The following NSRP1 variants were observed in gnomAD, a reference collection of about 807,000 sequenced individuals.
NSRP1 encodes coiled-coil domain containing 55.
In NSRP1, 24 loss-of-function variants were observed where a neutral mutation model predicts 54.7. The observed-to-expected ratio is 0.44, with a 90% CI of 0.32 to 0.62. The LOEUF (loss-of-function observed/expected upper bound fraction) is 0.62. Ranked by LOEUF, NSRP1 falls within the 20% of genes least tolerant of loss-of-function variation. NSRP1 has a pLI of 0.06. For synonymous variants in NSRP1, 210 were observed against 213.8 expected (o/e 0.98, Z 0.15); for missense variants, 596 against 651.2 (o/e 0.92, Z 0.92).
Position 30,148,936 on chromosome 17 carries a change from A to T in NSRP1, c.115-23606A>T, listed in dbSNP as rs116018715. Among the ~76,000 whole-genome samples the T allele has an allele frequency of 3.8e-3, 571 of 152,098 alleles. 4 individuals are homozygous for T. The highest frequency in any genetic ancestry group is 0.013 in the African/African-American group (541 of 41,504). ...AAATAACTAGCCTTTGATTTTGTTC[A>T]TCTATATTTTGTTGATTTATTCTCT... is the stretch of plus-strand genomic sequence containing the variant. On this transcript the variant is annotated intron_variant, in intron 2 of 6. Transcript: ENST00000247026.
At chr17:30,141,829 CTCG>C (rs2071808304) in intron 2 of NSRP1, among the ~76,000 whole-genome samples, 1 of 152,114 alleles carries the variant, frequency 6.6e-6, no homozygotes, top group Non-Finnish European at 1.5e-5. Context: ...GTGGTGAAAC[CTCG>C]TCTCTACTAA....
rs28625758 is a variant in NSRP1, at chr17:30,181,267, T to A, written c.617+251T>A. ...ACATTAAAACAGTGATTGAGTTTAA[T>A]ATTATTGTAAAACCAAAGACAGACT... On this transcript the variant is annotated intron_variant, in intron 6 of 6. Transcript: ENST00000247026. Among the ~76,000 whole-genome samples, 627 of 152,328 alleles carry A rather than the reference T, an allele frequency of 4.1e-3. 5 individuals are homozygous for A. Among genetic ancestry groups the A allele is most frequent in the African/African-American group, 0.014 (596 of 41,586 alleles).
rs536751639 is a variant in NSRP1 at position 30,147,630 on chromosome 17, A to AT, written c.115-24906dup. ...AGGCGCCCGCCACCACGCCCGGCTA[A>AT]TTTTTTATATTTTTAGTAGAGACGG... On this transcript the variant is annotated intron_variant, in intron 2 of 6. Transcript: ENST00000247026. Among the ~76,000 whole-genome samples the AT allele has an allele frequency of 1.0e-3, 153 of 150,936 alleles. 2 individuals are homozygous for AT. The Middle Eastern group carries it at 0.01, about 10-fold the overall frequency.
chr17:30,163,111 C>G (rs1315635333), intron 2 of NSRP1: 1 of 151,668 alleles, frequency 6.6e-6, no homozygotes, highest in African/African-American at 2.4e-5. Flanking sequence ...TCTCAAACTC[C>G]TGAGCTCAAG....
intron 2 of NSRP1, among the ~76,000 whole-genome samples, chr17:30,118,571 A>T (rs970564025): frequency 2.6e-5 from 4 of 152,042 alleles, no homozygotes; most frequent in Non-Finnish European, 4.4e-5. Context: ...CTTTTTTTTT[A>T]AATTCAGTGT....
chr17:30,171,934 TCACACACA>T (rs746244255), intron 2 of NSRP1, among the ~76,000 whole-genome samples: 38 of 113,422 alleles, frequency 3.4e-4, no homozygotes, highest in African/African-American at 1.2e-3. Context: ...TCCCCATTTC[TCACACACA>T]CACACACACA....
intron 2 of NSRP1, among the ~76,000 whole-genome samples, chr17:30,128,892 G>T (rs1296769161): frequency 6.6e-6 from 1 of 150,928 alleles, no homozygotes; most frequent in Non-Finnish European, 1.5e-5. Flanking sequence ...AGTTATCTTT[G>T]TATGGCAGAC....
chr17:30,169,993 T>G (rs1176068433), intron 2 of NSRP1, among the ~76,000 whole-genome samples: 1 of 152,050 alleles, frequency 6.6e-6, no homozygotes, highest in African/African-American at 2.4e-5. Flanking sequence ...TATTTAAGAC[T>G]TCGTTTTTTT....
At chr17:30,117,937 G>A (rs1386786826) in intron 1 of NSRP1, 143 bp from the exon 2 acceptor site, 2 of 617,130 alleles carry the variant, frequency 3.2e-6, no homozygotes, top group Non-Finnish European at 5.6e-6. Flanking sequence ...TGAGATCACT[G>A]AGAAGCAAAA....
intron 3 of NSRP1, among the ~76,000 whole-genome samples, chr17:30,174,314 G>C (rs1016833852): frequency 6.6e-6 from 1 of 152,094 alleles, no homozygotes; most frequent in Non-Finnish European, 1.5e-5. Context: ...GCTTTCTGCT[G>C]ATTTTTTCTC....
intron 2 of NSRP1, chr17:30,122,379 ATATATATTTTTTTTTTTTTTTTTTTTT>A (rs2071610467): frequency 3.6e-5 from 1 of 27,538 alleles, no homozygotes; most frequent in Non-Finnish European, 7.1e-5. Flanking sequence ...ATATATATAT[ATATATATTTTTTTTTTTTTTTTTTTTT>A]TTTTTTTTTT....
intron 2 of NSRP1, among the ~76,000 whole-genome samples, chr17:30,123,210 C>G (rs921219003): frequency 6.6e-6 from 1 of 152,232 alleles, no homozygotes; most frequent in African/African-American, 2.4e-5. Context: ...ACCAGTTTCC[C>G]TGCTTCAGCC....
chr17:30,120,695 G>C (rs1324982716), intron 2 of NSRP1, among the ~76,000 whole-genome samples: 2 of 152,138 alleles, frequency 1.3e-5, no homozygotes, highest in Non-Finnish European at 2.9e-5. Flanking sequence ...TGATCTTCAG[G>C]ATCACTCTGA....
chr17:30,172,967 A>T, intron 3 of NSRP1, among the ~76,000 whole-genome samples: 1 of 145,642 alleles, frequency 6.9e-6, no homozygotes, highest in Admixed American at 6.9e-5. Flanking sequence ...AGATATATAG[A>T]TTTTTTTTTT....
intron 2 of NSRP1, among the ~76,000 whole-genome samples, chr17:30,132,141 C>T (rs544396146): frequency 7.5e-5 from 11 of 146,220 alleles, no homozygotes; most frequent in Admixed American, 2.1e-4. Flanking sequence ...CCAGCTACTC[C>T]GGAGGCTGAG....
At position 30,164,827 on chromosome 17, in the gene NSRP1, A is replaced by G. The variant is rs192637995; in HGVS notation, c.115-7715A>G. ...AAAAAGAGAAAAGAAGCCAGTTTTA[A>G]GGAATATTCTCCTGTGTTACACTGC... On this transcript the variant is annotated intron_variant, in intron 2 of 6. Transcript: ENST00000247026. 1.3e-4 allele frequency among the ~76,000 whole-genome samples: 20 copies of G among 152,288 alleles called. No individual in the cohort carries two copies. In the East Asian group the frequency reaches 3.9e-3, roughly 29 times the overall value.
rs1481107161 is a variant in NSRP1 at position 30,122,349 on chromosome 17, T to TGTGTGTGTGTG, written c.114+4176_114+4177insGTGTGTGTGTG. The TGTGTGTGTGTG allele has an allele frequency of 6.4e-4, 46 of 72,280 alleles. 1 individual carries two copies. Among genetic ancestry groups the TGTGTGTGTGTG allele is most frequent in the African/African-American group, 2.2e-3 (39 of 17,580 alleles). 4.5% of individuals were successfully genotyped at this position (72,280 alleles called of 1,614,324 possible). A position where few individuals can be genotyped will look rare whatever the true frequency, so the allele number is the denominator to read the frequency against. Reference sequence around the variant, plus strand: ...TTTCTGGTTCATATGATAACTCTGGTTTCATATATATATATATATATATAT... The same window carrying TGTGTGTGTGTG: ...TTTCTGGTTCATATGATAACTCTGGTGTGTGTGTGTGTTCATATATATATATATATATATAT... On this transcript the variant is annotated intron_variant, in intron 2 of 6. Coordinates refer to ENST00000247026, the MANE Select transcript of NSRP1 (RefSeq NM_032141.4).
At chr17:30,121,009 C>G (rs2071591723) in intron 2 of NSRP1, among the ~76,000 whole-genome samples, 1 of 152,072 alleles carries the variant, frequency 6.6e-6, no homozygotes, top group Non-Finnish European at 1.5e-5. Context: ...GAAATAATTT[C>G]ATTTGGGAGA....
chr17:30,172,628 C>T, intron 3 of NSRP1, 30 bp downstream of exon 3: 1 of 1,563,676 alleles, frequency 6.4e-7, no homozygotes, highest in Non-Finnish European at 8.7e-7. Flanking sequence ...TAAGTGCATT[C>T]AGTGAAGCAT....
Sources: allele counts gnomAD v4.1 joint callset (sites outside exome capture counted in the v4.1 genomes callset), GRCh38; gene constraint gnomAD v4.1.1; transcripts MANE v1.5; gene names NCBI Gene and HGNC (gene_info 2026-07-23, HGNC 2026-07-21).